The following TRABD2A variants were observed in gnomAD, a reference collection of about 807,000 sequenced individuals.
TRABD2A encodes metalloprotease TIKI1.
Under a neutral mutation model 45.6 loss-of-function variants are expected in TRABD2A, and 43 were observed. The ratio of observed to expected loss-of-function variants is 0.94; its 90% CI spans 0.74 to 1.22. The LOEUF is 1.22. Among genes scored for constraint, TRABD2A ranks in the 50% most tolerant of loss-of-function variants. TRABD2A has a pLI of 0.00. For missense variants in TRABD2A, 642 were observed against 652.4 expected (o/e 0.98, Z 0.17); for synonymous variants, 269 against 265.0 (o/e 1.02, Z -0.15).
chr2:84,829,589 CACACA>C (rs1453719459), intron 5 of TRABD2A, among the ~76,000 whole-genome samples: 17 of 142,036 alleles, frequency 1.2e-4, no homozygotes, highest in South Asian at 8.8e-4. Context: ...ACACTGTACA[CACACA>C]ACACACGTAC....
intron 4 of TRABD2A, chr2:84,836,499 G>GAC (rs1326065670): frequency 5.3e-5 from 8 of 152,216 alleles, no homozygotes; most frequent in Non-Finnish European, 1.2e-4. Context: ...GTTTGGCTAT[G>GAC]ACACGCCTTG....
chr2:84,833,914 C>T (rs759800687), intron 4 of TRABD2A: 5 of 152,540 alleles, frequency 3.3e-5, no homozygotes, highest in Non-Finnish European at 7.3e-5. Flanking sequence ...GAGGGCCCAC[C>T]CACCGAACTG....
intron 2 of TRABD2A, among the ~76,000 whole-genome samples, chr2:84,855,979 G>C (rs1038672062): frequency 6.6e-6 from 1 of 152,112 alleles, no homozygotes; most frequent in Non-Finnish European, 1.5e-5. Flanking sequence ...CGCCCATTAC[G>C]CGGCTCACAG....
At chr2:84,854,623 C>T (rs1284021508) in intron 2 of TRABD2A, among the ~76,000 whole-genome samples, 1 of 152,196 alleles carries the variant, frequency 6.6e-6, no homozygotes, top group Non-Finnish European at 1.5e-5. Flanking sequence ...GGGCAATAGG[C>T]AGGAAGACTG....
intron 5 of TRABD2A, among the ~76,000 whole-genome samples, chr2:84,829,226 A>C (rs573534919): frequency 1.6e-4 from 24 of 152,194 alleles, no homozygotes; most frequent in African/African-American, 5.8e-4. Context: ...CGGGGAAGTG[A>C]GAACACTTGT....
chr2:84,876,810 G>T (rs1272384061), intron 1 of TRABD2A, among the ~76,000 whole-genome samples: 1 of 152,132 alleles, frequency 6.6e-6, no homozygotes, highest in Non-Finnish European at 1.5e-5. Flanking sequence ...GATCCCAGAT[G>T]ATTGCCCAGA....
chr2:84,871,733 C>T (rs182033520), intron 1 of TRABD2A, among the ~76,000 whole-genome samples: 175 of 152,302 alleles, frequency 1.1e-3, no homozygotes, highest in Non-Finnish European at 2.1e-3. Context: ...GATCCGCCCA[C>T]CTCAGCCTCC....
intron 5 of TRABD2A, among the ~76,000 whole-genome samples, chr2:84,831,056 G>T (rs1231508596): frequency 6.6e-6 from 1 of 152,164 alleles, no homozygotes; most frequent in Non-Finnish European, 1.5e-5. Flanking sequence ...TTCACATGTT[G>T]AAGCCCCATC....
In TRABD2A at chr2:84,833,048, G is replaced by A. The variant is rs186044315; in HGVS notation, c.992-903C>T. The A allele has an allele frequency of 2.6e-5, 4 of 152,298 alleles. No homozygotes were observed. The East Asian group carries it at 7.7e-4, about 29-fold the overall frequency. 9.4% of individuals were successfully genotyped at this position (152,298 alleles called of 1,614,324 possible). ...GGAGCCTGCGGCAGTACAGCAAATA[G>A]GCCCCGAGAAGGAAGCAGAAGGCCC... On this transcript the variant is annotated intron_variant, in intron 4 of 6. Transcript: ENST00000409520.
chr2:84,875,989 T>A (rs1683013685), intron 1 of TRABD2A, among the ~76,000 whole-genome samples: 2 of 143,550 alleles, frequency 1.4e-5, no homozygotes. Context: ...TGAGACCCTA[T>A]CTCAAAATTA....
chr2:84,848,411 C>T (rs867555007), intron 2 of TRABD2A, among the ~76,000 whole-genome samples: 12 of 145,480 alleles, frequency 8.2e-5, no homozygotes, highest in Admixed American at 2.8e-4. Flanking sequence ...GACAGACAGA[C>T]AGATAGATAG....
At chr2:84,831,235 C>CATCT (rs1681327073) in intron 5 of TRABD2A, among the ~76,000 whole-genome samples, 1 of 152,110 alleles carries the variant, frequency 6.6e-6, no homozygotes, top group Non-Finnish European at 1.5e-5. Flanking sequence ...AGAAGGCGGC[C>CATCT]ATCTACAAGC....
At chr2:84,874,499 G>A (rs1185759580) in intron 1 of TRABD2A, among the ~76,000 whole-genome samples, 2 of 152,226 alleles carry the variant, frequency 1.3e-5, no homozygotes, top group African/African-American at 4.8e-5. Context: ...GCCAATTGCT[G>A]TGGAGAACAT....
In TRABD2A at chr2:84,823,946, G is replaced by T; in HGVS notation, c.1334+7C>A. The T allele has an allele frequency of 6.2e-7, 1 of 1,613,202 alleles. No individual in the cohort carries two copies. The highest frequency in any genetic ancestry group is 8.5e-7 in the Non-Finnish European group (1 of 1,179,836). On this transcript the variant is annotated splice_region_variant and intron_variant, in intron 6 of 6. Coordinates refer to ENST00000409520, the MANE Select transcript of TRABD2A (RefSeq NM_001277053.2). ...GATGCCAACCCGACCCAGCCTACTCGCCTGACCTCTCCTCCAGGCGGACCC... is the reference window on the plus strand; with the variant it reads ...GATGCCAACCCGACCCAGCCTACTCTCCTGACCTCTCCTCCAGGCGGACCC...
chr2:84,870,525 G>A lies in TRABD2A; in HGVS notation c.369C>T (p.Leu123=). ...GCTTGACATACTCCAGGTGGCGCTT[G>A]AGGCGGCAGTAGATGTCCCTGGGGA... ...DVLPRDIYCR[L]KRHLEYVKLM... Residue 123 remains leucine, a synonymous_variant, in exon 2 of 7, where the codon CTC becomes CTT. Transcript: ENST00000409520. The A allele has an allele frequency of 6.2e-7, 1 of 1,614,068 alleles. No individual in the cohort carries two copies. The highest frequency in any genetic ancestry group is 8.5e-7 in the Non-Finnish European group (1 of 1,179,902).
At position 84,870,221 on chromosome 2, in the gene TRABD2A, T is replaced by C. The variant is rs1682825128; in HGVS notation, c.669+4A>G. 2 of 1,603,494 alleles carry C rather than the reference T, an allele frequency of 1.2e-6. No individual in the cohort carries two copies. ...CTAAGTCTTTTATGCAAAGAGAGTC[T>C]TACCTGTGAAAAGTTCAACCCATTC... is the stretch of plus-strand genomic sequence containing the variant. On this transcript the variant is annotated splice_donor_region_variant and intron_variant, in intron 2 of 6. Coordinates refer to ENST00000409520, the MANE Select transcript of TRABD2A (RefSeq NM_001277053.2).
At chr2:84,873,146 C>A (rs1039939053) in intron 1 of TRABD2A, among the ~76,000 whole-genome samples, 22 of 148,052 alleles carry the variant, frequency 1.5e-4, no homozygotes, top group Non-Finnish European at 2.5e-4. Flanking sequence ...TTAGGCCGAG[C>A]GCAGTTGCTG....
intron 1 of TRABD2A, among the ~76,000 whole-genome samples, chr2:84,880,561 A>G (rs188753202): frequency 2.4e-4 from 37 of 152,338 alleles, no homozygotes; most frequent in Non-Finnish European, 4.4e-4. Flanking sequence ...CTCTTAAGGA[A>G]GAGAGGGAAG....
Position 84,855,025 on chromosome 2 carries a change from G to A in TRABD2A, c.670-13018C>T, listed in dbSNP as rs72926845. ...AGCCCTATGTAGGACATGATTCCAC[G>A]TGCCCCCTCCCTCCCCAAGCCATGC... On this transcript the variant is annotated intron_variant, in intron 2 of 6. Coordinates refer to ENST00000409520, the MANE Select transcript of TRABD2A (RefSeq NM_001277053.2). Among the ~76,000 whole-genome samples the A allele has an allele frequency of 3.9e-3, 586 of 152,058 alleles. 3 individuals carry two copies. Among genetic ancestry groups the A allele is most frequent in the Middle Eastern group, 0.014 (4 of 294 alleles).
Sources: allele counts gnomAD v4.1 joint callset (sites outside exome capture counted in the v4.1 genomes callset), GRCh38; gene constraint gnomAD v4.1.1; transcripts MANE v1.5; gene names NCBI Gene and HGNC (gene_info 2026-07-23, HGNC 2026-07-21).